Variants in MUS81 observed in about 807,000 individuals in gnomAD.
MUS81 encodes the protein structure-specific endonuclease subunit MUS81.
In MUS81, 69 loss-of-function variants were observed where a neutral mutation model predicts 74.2. The observed-to-expected ratio is 0.93, with a 90% CI of 0.77 to 1.14. The LOEUF (loss-of-function observed/expected upper bound fraction) is 1.14. Among genes scored for constraint, MUS81 ranks in the 50% most tolerant of loss-of-function variants. The pLI is 0.00. For missense variants in MUS81, 711 were observed against 726.5 expected (o/e 0.98, Z 0.25); for synonymous variants, 303 against 300.6 (o/e 1.01, Z -0.08).
In MUS81 at chr11:65,862,215, C is replaced by G. The variant is rs774562099; in HGVS notation, c.455C>G (p.Pro152Arg). 2 of 1,613,468 alleles carry G rather than the reference C, an allele frequency of 1.2e-6. No homozygotes were observed. Among genetic ancestry groups the G allele is most frequent in the African/African-American group, 2.7e-5 (2 of 74,918 alleles). ...TCTTTTCTACCTTGGTTTCAGAATC[C>G]TAATGGTCACCACTTCTTAACCAAG... ...LLVLYREHLN[P>R]NGHHFLTKEE... is the part of the protein sequence containing the mutation. Residue 152 changes from proline (P) to arginine (R), a missense_variant, in exon 5 of 16, where the codon CCT becomes CGT. Pro to Arg is a moderately radical substitution (Grantham distance 103, BLOSUM62 -2). Transcript: ENST00000308110.
intron 6 of MUS81, 67 bp downstream of exon 6, chr11:65,862,596 C>A: frequency 7.1e-7 from 1 of 1,411,176 alleles, no homozygotes; most frequent in Non-Finnish European, 9.9e-7. Context: ...TAGAGTCACC[C>A]AACAACTCCC....
rs1355472259 is a variant in MUS81, at chr11:65,863,081, G to A, written c.622G>A (p.Glu208Lys). Residue 208 changes from glutamate (E) to lysine (K), a missense_variant, in exon 7 of 16, where the codon GAG becomes AAG. Physicochemically the swap from Glu to Lys is moderately conservative, Grantham distance 56 (BLOSUM62 1). Coordinates refer to ENST00000308110, the MANE Select transcript of MUS81 (RefSeq NM_025128.5). ...HQPARYSLTP[E>K]GLELAQKLAE... ...GCCTCCCAGGTACTCATTGACCCCAGAGGGCCTGGAGCTGGCCCAGAAGTT... is the reference window on the plus strand; with the variant it reads ...GCCTCCCAGGTACTCATTGACCCCAAAGGGCCTGGAGCTGGCCCAGAAGTT... 1.2e-6 allele frequency: 2 copies of A among 1,614,026 alleles called. No individual in the cohort carries two copies. The highest frequency in any genetic ancestry group is 2.7e-5 in the African/African-American group (2 of 74,926).
downstream of MUS81, chr11:65,866,807 C>T (rs1181358538): frequency 2.9e-6 from 4 of 1,399,662 alleles, no homozygotes; most frequent in Admixed American, 3.9e-5. Context: ...GTGACCCGCC[C>T]ACCTCAGCCA....
chr11:65,860,144 C>T, upstream of MUS81: 1 of 422,612 alleles, frequency 2.4e-6, no homozygotes, highest in South Asian at 1.6e-5. Context: ...GCTCCTCCTG[C>T]CTTACCTTTG....
At chr11:65,861,261 CTCACG>C in intron 2 of MUS81, 84 bp from the exon 3 acceptor site, 1 of 1,532,568 alleles carries the variant, frequency 6.5e-7, no homozygotes, top group Non-Finnish European at 8.9e-7. Flanking sequence ...CCTCACCGGT[CTCACG>C]TAACCATCTG....
upstream of MUS81, among the ~76,000 whole-genome samples, chr11:65,859,715 G>A (rs1859507078): frequency 6.6e-6 from 1 of 152,230 alleles, no homozygotes; most frequent in Admixed American, 6.5e-5. Flanking sequence ...GCTAGAGGCC[G>A]GGTGCTGCTT....
Position 65,865,323 on chromosome 11 carries a change from G to A in MUS81, c.1505G>A (p.Ser502Asn), listed in dbSNP as rs781231190. The change falls in exon 14 of 16, where the codon AGC becomes AAC. Residue 502 changes from serine to asparagine, a missense_variant and splice_region_variant. Transcript: ENST00000308110. ...ALVDRYSTPA[S>N]LLAAYDACAT... Reference sequence around the variant, plus strand: ...GTGGATCGATACAGCACCCCTGCCAGGTAGGCCCTAAAGGGCCCTTAGGTG... The same window carrying A: ...GTGGATCGATACAGCACCCCTGCCAAGTAGGCCCTAAAGGGCCCTTAGGTG... The A allele has an allele frequency of 1.9e-6, 3 of 1,613,378 alleles. No individual in the cohort carries two copies. The highest frequency in any genetic ancestry group is 2.2e-5 in the South Asian group (2 of 90,996).
Position 65,863,866 on chromosome 11 carries a change from A to T in MUS81, c.1024A>T (p.Ser342Cys). The T allele has an allele frequency of 1.9e-6, 3 of 1,614,180 alleles. No individual in the cohort carries two copies. Among genetic ancestry groups the T allele is most frequent in the Non-Finnish European group, 2.5e-6 (3 of 1,180,000 alleles). ...VERKRLDDLC[S>C]SIIDGRFREQ... ...GCGCAAGCGACTGGATGACCTTTGC[A>T]GCAGCATCATCGACGGCCGCTTCCG... Residue 342 changes from serine (S) to cysteine (C), a missense_variant, in exon 10 of 16, where the codon AGC (serine) becomes TGC (cysteine). Physicochemically the swap from Ser to Cys is moderately radical, Grantham distance 112. Coordinates refer to ENST00000308110, the MANE Select transcript of MUS81 (RefSeq NM_025128.5).
At position 65,862,510 on chromosome 11, in the gene MUS81, A is replaced by G. The variant is rs1319948037; in HGVS notation, c.586A>G (p.Arg196Gly). ...RSLLHRNLVL[R>G]THQPARYSLT... The stretch of plus-strand genomic sequence containing the variant: ...CCTCCTTCACAGGAACCTGGTCCTC[A>G]GGACACACCAGCCAGCCAGGTGGGG... The change falls in exon 6 of 16, where the codon AGG (arginine) becomes GGG (glycine). Residue 196 changes from arginine (R) to glycine (G), a missense_variant. Physicochemically the swap from Arg to Gly is moderately radical, Grantham distance 125. Transcript: ENST00000308110. The G allele has an allele frequency of 1.2e-6, 2 of 1,613,568 alleles. No individual in the cohort carries two copies. The highest frequency in any genetic ancestry group is 1.7e-6 in the Non-Finnish European group (2 of 1,179,970).
At chr11:65,867,428 A>G, downstream of MUS81, 1 of 438,300 alleles carries the variant, frequency 2.3e-6, no homozygotes, top group Admixed American at 3.6e-5. Context: ...TCAAAAAGAA[A>G]GAGAAGGGCT....
At position 65,863,849 on chromosome 11, in the gene MUS81, G is replaced by T; in HGVS notation, c.1007G>T (p.Arg336Leu). ...LVLDHIVERKRLDDLCSSIID... is the reference protein window; with the variant it reads ...LVLDHIVERKLLDDLCSSIID... ...CTGGATCACATTGTGGAGCGCAAGC[G>T]ACTGGATGACCTTTGCAGCAGCATC... Residue 336 changes from arginine to leucine, a missense_variant, in exon 10 of 16, where the codon CGA (arginine) becomes CTA (leucine). Physicochemically the swap from Arg to Leu is moderately radical, Grantham distance 102. Transcript: ENST00000308110. 6.2e-7 allele frequency: 1 copy of T among 1,614,178 alleles called. No individual in the cohort carries two copies. Among genetic ancestry groups the T allele is most frequent in the Non-Finnish European group, 8.5e-7 (1 of 1,180,024 alleles).
At chr11:65,867,221 T>C (rs1008926383), downstream of MUS81, 49 of 921,204 alleles carry the variant, frequency 5.3e-5, no homozygotes, top group Non-Finnish European at 7.7e-5. Context: ...CTCATGCAGC[T>C]CTTTGACACC....
downstream of MUS81, chr11:65,866,704 C>T (rs1859849639): frequency 5.6e-6 from 4 of 718,232 alleles, no homozygotes; most frequent in Non-Finnish European, 1.0e-5. Flanking sequence ...TCAATGGGGG[C>T]CCCTGGGCCT....
intron 7 of MUS81, 53 bp downstream of exon 7, chr11:65,863,258 G>T (rs1049066660): frequency 1.3e-6 from 2 of 1,587,510 alleles, no homozygotes; most frequent in Admixed American, 3.5e-5. Context: ...GATGGGAAAT[G>T]AGGCCAAAGC....
chr11:65,860,816 C>G lies in MUS81; in HGVS notation c.63C>G (p.Phe21Leu). 1 of 1,547,984 alleles carries G rather than the reference C, an allele frequency of 6.5e-7. No homozygotes were observed. Residue 21 changes from phenylalanine (F) to leucine (L), a missense_variant, in exon 1 of 16, where the codon TTC becomes TTG. Physicochemically the swap from Phe to Leu is conservative, Grantham distance 22 (BLOSUM62 0). Transcript: ENST00000308110. ...RPLPACPNPL[F>L]VRWLTEWRDE... ...TGCCTGCCTGTCCCAACCCGCTCTT[C>G]GTTCGCTGGCTGACCGAGTGGCGGG...
chr11:65,861,237 G>A (rs1859589906), intron 2 of MUS81, 113 bp from the exon 3 acceptor site: 3 of 1,537,762 alleles, frequency 2.0e-6, no homozygotes, highest in Middle Eastern at 1.7e-4. Context: ...AGTGGCTGGC[G>A]CTCCCTGAGC....
Position 65,865,018 on chromosome 11 carries a change from G to A in MUS81, c.1274G>A (p.Gly425Asp). 2.5e-6 allele frequency: 4 copies of A among 1,613,366 alleles called. No homozygotes were observed. The highest frequency in any genetic ancestry group is 3.4e-6 in the Non-Finnish European group (4 of 1,179,988). Reference sequence around the variant, plus strand: ...GGCCTCAGTCCCTTCTTCCCTCAGGGCCACACCCTACGCAGCCGCCCCTGG... The same window carrying A: ...GGCCTCAGTCCCTTCTTCCCTCAGGACCACACCCTACGCAGCCGCCCCTGG... ...LTRGLQRLYQ[G>D]HTLRSRPWGT... The change falls in exon 13 of 16, where the codon GGC becomes GAC. Residue 425 changes from glycine (G) to aspartate (D), a missense_variant and splice_region_variant. Coordinates refer to ENST00000308110, the MANE Select transcript of MUS81 (RefSeq NM_025128.5).
chr11:65,865,911 G>A lies in MUS81; in HGVS notation c.1589+17G>A, dbSNP rs1404810755. The A allele has an allele frequency of 6.2e-7, 1 of 1,614,170 alleles. No homozygotes were observed. The highest frequency in any genetic ancestry group is 2.2e-5 in the East Asian group (1 of 44,896). ...TCTACAGAGGTGAGGGCAAGAGACGGAACCTGGAGGGAGTGGCAGGGACTG... is the reference window on the plus strand; with the variant it reads ...TCTACAGAGGTGAGGGCAAGAGACGAAACCTGGAGGGAGTGGCAGGGACTG... On this transcript the variant is annotated intron_variant, in intron 15 of 15. Coordinates refer to ENST00000308110, the MANE Select transcript of MUS81 (RefSeq NM_025128.5).
At position 65,863,184 on chromosome 11, in the gene MUS81, C is replaced by A. The variant is rs1565266933; in HGVS notation, c.725C>A (p.Pro242Gln). 6.2e-7 allele frequency: 1 copy of A among 1,613,410 alleles called. No homozygotes were observed. The highest frequency in any genetic ancestry group is 8.5e-7 in the Non-Finnish European group (1 of 1,179,788). ...KEPPGEETAV[P>Q]GAASAELASE... The stretch of plus-strand genomic sequence containing the variant: ...CCCCCTGGGGAGGAGACAGCAGTGC[C>A]AGGAGCAGCTTCAGCAGAGCTGTGA... Residue 242 changes from proline (P) to glutamine (Q), a missense_variant, in exon 7 of 16, where the codon CCA (proline) becomes CAA (glutamine). Pro to Gln is a moderately conservative substitution (Grantham distance 76). Coordinates refer to ENST00000308110, the MANE Select transcript of MUS81 (RefSeq NM_025128.5).
Sources: allele counts gnomAD v4.1 joint callset (sites outside exome capture counted in the v4.1 genomes callset), GRCh38; gene constraint gnomAD v4.1.1; transcripts MANE v1.5; gene names NCBI Gene and HGNC (gene_info 2026-07-23, HGNC 2026-07-21).